POLN: variants seen among roughly 807,000 people sequenced by gnomAD.
POLN encodes DNA polymerase N.
A neutral mutation model predicts 113.5 loss-of-function variants in POLN; 108 were observed. The ratio of observed to expected loss-of-function variants is 0.95; its 90% CI spans 0.81 to 1.12. POLN has a LOEUF of 1.12. Ranked by LOEUF, POLN falls within the 50% of genes most tolerant of loss-of-function variation. POLN has a pLI of 0.00. For missense variants in POLN, 1,097 were observed against 1,077.1 expected (o/e 1.02, Z -0.26); for synonymous variants, 386 against 391.5 (o/e 0.99, Z 0.17).
intron 7 of POLN, among the ~76,000 whole-genome samples, chr4:2,189,158 T>C (rs1250876151): frequency 6.6e-6 from 1 of 152,166 alleles, no homozygotes; most frequent in Non-Finnish European, 1.5e-5. Context: ...AAAATGGTAG[T>C]AATAAGTCCT....
At chr4:2,203,225 T>C (rs1454521429) in intron 5 of POLN, among the ~76,000 whole-genome samples, 1 of 152,088 alleles carries the variant, frequency 6.6e-6, no homozygotes, top group Non-Finnish European at 1.5e-5. Flanking sequence ...TACATGGAAA[T>C]TAAATAACCT....
chr4:2,236,116 T>G (rs548750317), intron 2 of POLN: 21 of 624,326 alleles, frequency 3.4e-5, no homozygotes, highest in African/African-American at 2.4e-4. Context: ...ATACTTTATA[T>G]TAAGGCAATG....
chr4:2,189,223 A>G (rs1421008518), intron 7 of POLN, among the ~76,000 whole-genome samples: 1 of 152,122 alleles, frequency 6.6e-6, no homozygotes, highest in Non-Finnish European at 1.5e-5. Flanking sequence ...TAAAAGACAT[A>G]GAATAGCTGA....
chr4:2,241,287 G>A (rs58845982), intron 2 of POLN, among the ~76,000 whole-genome samples: 3 of 152,098 alleles, frequency 2.0e-5, no homozygotes, highest in Non-Finnish European at 2.9e-5. Context: ...GTAACGAAAA[G>A]TAATTAACAA....
At chr4:2,081,947 CTTTTTTTTTTT>C (rs71167773) in intron 21 of POLN, among the ~76,000 whole-genome samples, 6 of 92,554 alleles carry the variant, frequency 6.5e-5, no homozygotes, top group South Asian at 3.2e-4. Context: ...GCACTCTGCA[CTTTTTTTTTTT>C]TTTTTTTTTT....
At chr4:2,133,872 A>G (rs1483283104) in intron 16 of POLN, among the ~76,000 whole-genome samples, 2 of 152,196 alleles carry the variant, frequency 1.3e-5, no homozygotes, top group Non-Finnish European at 2.9e-5. Context: ...AAATTTACAT[A>G]CATTATAGTT....
intron 5 of POLN, among the ~76,000 whole-genome samples, chr4:2,202,067 T>A (rs1577767142): frequency 6.6e-6 from 1 of 151,712 alleles, no homozygotes; most frequent in South Asian, 2.1e-4. Flanking sequence ...CAAAACAGAA[T>A]CTCTTTAAAG....
chr4:2,212,881 C>A (rs1734026090), intron 4 of POLN, among the ~76,000 whole-genome samples, 166 bp downstream of exon 4: 1 of 152,086 alleles, frequency 6.6e-6, no homozygotes, highest in South Asian at 2.1e-4. Context: ...ACTTGCCCCT[C>A]CCTGCATCCA....
Position 2,121,983 on chromosome 4 carries a change from C to T in POLN, c.1982+6130G>A, listed in dbSNP as rs963056948. Reference sequence around the variant, plus strand: ...AGCATTTCGTGCTATACTTTTCCCACTTTACCCATATCCTTTTCCCAGTAC... The same window carrying T: ...AGCATTTCGTGCTATACTTTTCCCATTTTACCCATATCCTTTTCCCAGTAC... On this transcript the variant is annotated intron_variant, in intron 19 of 25. Coordinates refer to ENST00000511885, the MANE Select transcript of POLN (RefSeq NM_181808.4). Among the ~76,000 whole-genome samples, 5 of 152,250 alleles carry T rather than the reference C, an allele frequency of 3.3e-5. No individual in the cohort carries two copies. In the East Asian group the frequency reaches 5.8e-4, roughly 18 times the overall value.
intron 20 of POLN, among the ~76,000 whole-genome samples, chr4:2,086,896 G>A (rs1450686632): frequency 6.6e-6 from 1 of 152,214 alleles, no homozygotes; most frequent in Non-Finnish European, 1.5e-5. Flanking sequence ...GGGTGAAGGT[G>A]TGGGGTCTGT....
chr4:2,129,135 T>C (rs1429683138), intron 18 of POLN, 44 bp downstream of exon 18: 1 of 1,371,380 alleles, frequency 7.3e-7, no homozygotes, highest in East Asian at 2.3e-5. Flanking sequence ...TTTCTAAACC[T>C]TTGAACCCTA....
chr4:2,142,538 A>T (rs909721756), intron 16 of POLN, among the ~76,000 whole-genome samples: 2 of 152,246 alleles, frequency 1.3e-5, no homozygotes, highest in African/African-American at 4.8e-5. Context: ...AGGTGGAGAA[A>T]ATACGGCAGA....
At chr4:2,074,788 A>C (rs879844079) in intron 24 of POLN, among the ~76,000 whole-genome samples, 1 of 152,158 alleles carries the variant, frequency 6.6e-6, no homozygotes, top group African/African-American at 2.4e-5. Flanking sequence ...CTGGGGGCAC[A>C]GGTCCACGTG....
intron 7 of POLN, among the ~76,000 whole-genome samples, chr4:2,184,908 T>C (rs1486002434): frequency 1.3e-5 from 2 of 152,222 alleles, no homozygotes; most frequent in African/African-American, 4.8e-5. Flanking sequence ...CTTTTTTTGA[T>C]CACCTTTTGG....
At chr4:2,168,130 TG>T (rs1375018213) in intron 13 of POLN, among the ~76,000 whole-genome samples, 1 of 152,216 alleles carries the variant, frequency 6.6e-6, no homozygotes, top group Non-Finnish European at 1.5e-5. Context: ...TACTAAGCAC[TG>T]GGAACATCCC....
At chr4:2,132,833 C>T (rs1450019397) in intron 16 of POLN, among the ~76,000 whole-genome samples, 1 of 152,184 alleles carries the variant, frequency 6.6e-6, no homozygotes, top group Non-Finnish European at 1.5e-5. Flanking sequence ...AGAAATGCTA[C>T]AGGAAATTCT....
At chr4:2,157,145 G>C (rs995017787) in intron 15 of POLN, among the ~76,000 whole-genome samples, 15 of 152,164 alleles carry the variant, frequency 9.9e-5, no homozygotes, top group African/African-American at 3.6e-4. Context: ...TGGGCTGTGG[G>C]GAGCTTGGTG....
rs745725526 is a variant in POLN, at chr4:2,179,424, G to C, written c.1063C>G (p.Leu355Val). Residue 355 changes from leucine to valine, a missense_variant, in exon 8 of 26, where the codon CTT becomes GTT. Leu to Val is a conservative substitution (Grantham distance 32). Transcript: ENST00000511885. ...GGTGTGGCATCACTAGGATCTATAA[G>C]CCATGCAGCAATTCTGGGATCTAGC... ...IGLDPRIAAW[L>V]IDPSDATPSF... 1.9e-6 allele frequency: 3 copies of C among 1,613,842 alleles called. No individual in the cohort carries two copies. The highest frequency in any genetic ancestry group is 8.5e-7 in the Non-Finnish European group (1 of 1,179,788).
chr4:2,127,126 G>C lies in POLN; in HGVS notation c.1982+987C>G, dbSNP rs2108723522. Among the ~76,000 whole-genome samples, 1 of 151,634 alleles carries C rather than the reference G, an allele frequency of 6.6e-6. No individual in the cohort carries two copies. The highest frequency in any genetic ancestry group is 2.1e-4 in the South Asian group (1 of 4,788). On this transcript the variant is annotated intron_variant, in intron 19 of 25. Coordinates refer to ENST00000511885, the MANE Select transcript of POLN (RefSeq NM_181808.4). This position sits in a 1 kb window ranked among gnomAD's most constrained non-coding sequence, Gnocchi z 4.7. ...AGGTGGCAGGAGATGAGCTGGGACG[G>C]AGGGTAGGGAGGGGTGAGGGGGCCA...
Sources: allele counts gnomAD v4.1 joint callset (sites outside exome capture counted in the v4.1 genomes callset), GRCh38; gene constraint gnomAD v4.1.1; non-coding constraint Gnocchi (gnomAD v3.1); transcripts MANE v1.5; gene names NCBI Gene and HGNC (gene_info 2026-07-23, HGNC 2026-07-21).